Variants in AKNA observed in about 807,000 individuals in gnomAD.
The protein encoded by AKNA is microtubule organization protein AKNA.
In AKNA, 67 loss-of-function variants were observed where a neutral mutation model predicts 138.8. That is an observed-to-expected ratio of 0.48 (90% CI 0.40 to 0.59). AKNA has a LOEUF of 0.59. Among genes scored for constraint, AKNA ranks in the 20% least tolerant of loss-of-function variants. The pLI is 0.00. For missense variants in AKNA, 1,813 were observed against 1,880.4 expected (o/e 0.96, Z 0.66); for synonymous variants, 737 against 754.4 (o/e 0.98, Z 0.38).
At position 114,387,943 on chromosome 9, in the gene AKNA, CCT is replaced by C. The variant is rs1044878694; in HGVS notation, c.-199_-198del. The C allele has an allele frequency of 2.9e-5, 13 of 448,554 alleles. No homozygotes were observed. The highest frequency in any genetic ancestry group is 8.0e-5 in the African/African-American group (4 of 49,970). 27.8% of individuals were successfully genotyped at this position (448,554 alleles called of 1,614,324 possible). On this transcript the variant is annotated 5_prime_UTR_variant, in exon 1 of 22. An upstream open reading frame in the 5' UTR loses its in-frame stop. Coordinates refer to ENST00000374088, the MANE Select transcript of AKNA (RefSeq NM_001317950.2). ...TCTTTGTTCCAAACCCAGGGAGCCC[CCT>C]GTCTCCATTGCGCCCTGGCCCACCT...
At position 114,337,013 on chromosome 9, in the gene AKNA, G is replaced by GGGGGGGGCGCC; in HGVS notation, c.*40_*41insGGCGCCCCCCC. ...CCACTCCTGGCCTGGCAGGCCACCT[G>GGGGGGGGCGCC]CCCACCCACCCACCCATCTGCCTCT... On this transcript the variant is annotated 3_prime_UTR_variant, in exon 22 of 22. Coordinates refer to ENST00000374088, the MANE Select transcript of AKNA (RefSeq NM_001317950.2). The GGGGGGGGCGCC allele has an allele frequency of 8.4e-7, 1 of 1,185,370 alleles. No homozygotes were observed. Among genetic ancestry groups the GGGGGGGGCGCC allele is most frequent in the Non-Finnish European group, 1.1e-6 (1 of 921,704 alleles). 73.4% of individuals were successfully genotyped at this position (1,185,370 alleles called of 1,614,324 possible). A position where few individuals can be genotyped will look rare whatever the true frequency, so the allele number is the denominator to read the frequency against.
At chr9:114,373,928 C>G (rs941296863) in intron 4 of AKNA, among the ~76,000 whole-genome samples, 165 bp downstream of exon 4, 1 of 149,182 alleles carries the variant, frequency 6.7e-6, no homozygotes, top group Admixed American at 6.7e-5. Flanking sequence ...GGCAAGGTCA[C>G]TGCCCAAGGT....
rs148059236 is a variant in AKNA at position 114,338,377 on chromosome 9, G to C, written c.4068-1071C>G. ...CATCAAAAAGGACAGATAGCAACAA[G>C]TGTTGACAAGAATGTGGAGAAACTG... is the stretch of plus-strand genomic sequence containing the variant. On this transcript the variant is annotated intron_variant, in intron 21 of 21. Transcript: ENST00000374088. Among the ~76,000 whole-genome samples the C allele has an allele frequency of 5.9e-5, 9 of 152,368 alleles. No homozygotes were observed. The East Asian group carries it at 1.7e-3, about 29-fold the overall frequency.
intron 1 of AKNA, among the ~76,000 whole-genome samples, chr9:114,393,302 G>A (rs1834417561): frequency 6.7e-6 from 1 of 148,494 alleles, no homozygotes; most frequent in African/African-American, 2.5e-5. Context: ...TGCAAGCTCC[G>A]CCTCCCGGGT....
intron 1 of AKNA, among the ~76,000 whole-genome samples, chr9:114,387,333 A>C (rs529463186): frequency 1.3e-5 from 2 of 152,288 alleles, no homozygotes; most frequent in South Asian, 2.1e-4. Flanking sequence ...GGAGAAAGAG[A>C]AACGGTGCCC....
chr9:114,347,591 G>A (rs1830774727), intron 16 of AKNA, 133 bp downstream of exon 16: 2 of 937,514 alleles, frequency 2.1e-6, no homozygotes, highest in Non-Finnish European at 3.1e-6. Flanking sequence ...AAGCTCAACA[G>A]TGAATGAATG....
chr9:114,356,595 T>C (rs1358018531), intron 13 of AKNA, among the ~76,000 whole-genome samples: 1 of 152,232 alleles, frequency 6.6e-6, no homozygotes, highest in Non-Finnish European at 1.5e-5. Context: ...GTAGTTTTTA[T>C]TCATTCATCC....
At position 114,341,565 on chromosome 9, in the gene AKNA, C is replaced by G. The variant is rs113207990; in HGVS notation, c.4035G>C (p.Ser1345=). The part of the protein sequence containing the change: ...PAPPAFAYIS[S]VPIMPYPPAA... ...CAGGTGGATAAGGCATGATGGGAACCGAGGAGATGTAGGCAAAGGCTGGAG... is the reference window on the plus strand; with the variant it reads ...CAGGTGGATAAGGCATGATGGGAACGGAGGAGATGTAGGCAAAGGCTGGAG... The change falls in exon 21 of 22, where the codon TCG becomes TCC. Residue 1345 remains serine (S), a synonymous_variant. Coordinates refer to ENST00000374088, the MANE Select transcript of AKNA (RefSeq NM_001317950.2). 2 of 1,613,950 alleles carry G rather than the reference C, an allele frequency of 1.2e-6. No individual in the cohort carries two copies. Among genetic ancestry groups the G allele is most frequent in the East Asian group, 2.2e-5 (1 of 44,864 alleles).
chr9:114,377,772 T>C (rs964524809), intron 2 of AKNA: 19 of 552,242 alleles, frequency 3.4e-5, no homozygotes, highest in African/African-American at 3.4e-4. Context: ...GTGTCTCCCA[T>C]CTCAGCAGAC....
At chr9:114,369,587 G>T (rs1299739279) in intron 4 of AKNA, among the ~76,000 whole-genome samples, 2 of 152,056 alleles carry the variant, frequency 1.3e-5, no homozygotes, top group African/African-American at 4.8e-5. Context: ...CACAAAATAA[G>T]TGCTCAATAA....
downstream of AKNA, among the ~76,000 whole-genome samples, chr9:114,332,319 T>G (rs1006408131): frequency 5.3e-5 from 8 of 152,172 alleles, no homozygotes; most frequent in African/African-American, 1.9e-4. Context: ...GAATTGATAC[T>G]GTGGTTTTCA....
At chr9:114,383,194 C>A (rs1305449171) in intron 1 of AKNA, 1 of 456,064 alleles carries the variant, frequency 2.2e-6, no homozygotes, top group African/African-American at 2.0e-5. Context: ...AGGCTGGCCA[C>A]ACGGGGGACC....
At position 114,346,567 on chromosome 9, in the gene AKNA, T is replaced by C. The variant is rs1394903666; in HGVS notation, c.3514+102A>G. 3.3e-6 allele frequency: 3 copies of C among 906,060 alleles called. No homozygotes were observed. In the African/African-American group the frequency reaches 5.1e-5, roughly 15 times the overall value. The allele number at this position is 906,060 out of a possible 1,614,324, so 56.1% of individuals were successfully genotyped here. ...CCTAAAACAGATGCACAAAAACCCT[T>C]CTCCAAGTTTCCTTGAATACTGTTG... On this transcript the variant is annotated intron_variant, in intron 17 of 21. Coordinates refer to ENST00000374088, the MANE Select transcript of AKNA (RefSeq NM_001317950.2).
downstream of AKNA, chr9:114,331,936 G>T (rs569411411): frequency 1.2e-6 from 2 of 1,612,528 alleles, no homozygotes; most frequent in East Asian, 2.2e-5. Context: ...AAAGGTAAAC[G>T]CAAGGGATTG....
downstream of AKNA, chr9:114,330,815 C>G: frequency 6.2e-7 from 1 of 1,613,998 alleles, no homozygotes; most frequent in Non-Finnish European, 8.5e-7. Flanking sequence ...TTCTATAACT[C>G]CAGTTACCTG....
chr9:114,344,156 A>G, intron 18 of AKNA: 1 of 225,188 alleles, frequency 4.4e-6, no homozygotes, highest in Non-Finnish European at 9.0e-6. Context: ...GGAAGAAATG[A>G]TAAGCAAAGC....
intron 21 of AKNA, among the ~76,000 whole-genome samples, chr9:114,340,290 G>A (rs957943339): frequency 1.3e-5 from 2 of 152,222 alleles, no homozygotes; most frequent in South Asian, 2.1e-4. Flanking sequence ...AGTCCCAATC[G>A]ACTCATTTCA....
chr9:114,373,885 CAAAAAAAAAAAA>C (rs758805914), intron 4 of AKNA, among the ~76,000 whole-genome samples, 196 bp downstream of exon 4: 3 of 79,008 alleles, frequency 3.8e-5, no homozygotes, highest in African/African-American at 1.7e-4. Flanking sequence ...GACCCTGACT[CAAAAAAAAAAAA>C]AAAAAAAAAA....
intron 2 of AKNA, among the ~76,000 whole-genome samples, chr9:114,377,838 ATC>A (rs1833357735): frequency 6.6e-6 from 1 of 152,096 alleles, no homozygotes; most frequent in African/African-American, 2.4e-5. Flanking sequence ...CATCTTTGCC[ATC>A]TCTCTCCCTC....
Sources: gnomAD v4.1 joint callset for allele counts (sites outside exome capture counted in the v4.1 genomes callset) on GRCh38, gnomAD v4.1.1 for gene constraint, MANE v1.5 for transcripts, NCBI Gene and HGNC (gene_info 2026-07-23, HGNC 2026-07-21) for gene names.